The following XKR9 variants were observed in gnomAD, a reference collection of about 807,000 sequenced individuals.
XKR9 encodes the protein XK related 9.
Under a neutral mutation model 32.0 loss-of-function variants are expected in XKR9, and 32 were observed. That is an observed-to-expected ratio of 1.00 (90% CI 0.76 to 1.34). XKR9 has a LOEUF of 1.34. XKR9 is among the 40% of genes most tolerant of loss of function. The probability of loss-of-function intolerance (pLI) is 0.00; values close to 1 mark genes in which losing one functional copy is unlikely to be tolerated. For missense variants in XKR9, 546 were observed against 429.7 expected (o/e 1.27, Z -2.39); for synonymous variants, 168 against 143.4 (o/e 1.17, Z -1.22).
the XKR9 span, among the ~76,000 whole-genome samples, chr8:70,931,330 G>A: frequency 1.3e-5 from 2 of 152,096 alleles, no homozygotes; most frequent in Non-Finnish European, 2.9e-5. Flanking sequence ...TGATTCTAAG[G>A]TGGCTGGATA....
intron 2 of XKR9, among the ~76,000 whole-genome samples, chr8:70,760,614 C>A (rs762880596): frequency 6.6e-5 from 10 of 152,306 alleles, no homozygotes; most frequent in Non-Finnish European, 1.2e-4. Flanking sequence ...CAGGCAGGTG[C>A]CACTATGCCT....
chr8:70,808,801 C>T, the XKR9 span, among the ~76,000 whole-genome samples: 1 of 152,258 alleles, frequency 6.6e-6, no homozygotes, highest in Non-Finnish European at 1.5e-5. Context: ...GGCCAGGAAG[C>T]TTGAACTGGG....
chr8:70,875,049 A>G, the XKR9 span, among the ~76,000 whole-genome samples: 3 of 152,212 alleles, frequency 2.0e-5, no homozygotes, highest in African/African-American at 4.8e-5. Flanking sequence ...TTCTGTTACT[A>G]GAAAGCGAGG....
the XKR9 span, among the ~76,000 whole-genome samples, chr8:70,922,846 C>T: frequency 3.9e-4 from 59 of 152,340 alleles, no homozygotes; most frequent in Admixed American, 1.6e-3. Context: ...CTCATGATGT[C>T]AGGCTTTTCA....
chr8:70,890,032 C>A, the XKR9 span, among the ~76,000 whole-genome samples: 16 of 152,140 alleles, frequency 1.1e-4, no homozygotes, highest in South Asian at 3.3e-3. Context: ...ATTTACATTC[C>A]CACAACCAGT....
chr8:70,835,586 G>A, the XKR9 span, among the ~76,000 whole-genome samples: 1 of 151,884 alleles, frequency 6.6e-6, no homozygotes, highest in South Asian at 2.1e-4. Context: ...TCCTTTTTTT[G>A]GAGTAAGGAT....
At chr8:70,894,570 G>A in the XKR9 span, among the ~76,000 whole-genome samples, 10 of 152,120 alleles carry the variant, frequency 6.6e-5, no homozygotes, top group Non-Finnish European at 1.5e-5. Flanking sequence ...GGCCTTGTGG[G>A]GCAGGAACTA....
the XKR9 span, among the ~76,000 whole-genome samples, chr8:70,842,624 A>G: frequency 6.6e-6 from 1 of 152,090 alleles, no homozygotes; most frequent in African/African-American, 2.4e-5. Context: ...GATCCAACAC[A>G]TAAGGTTGTT....
rs375996539 is a variant in XKR9, at chr8:70,734,440, T to A, written c.*16T>A. ...AATGGAATAAGCTATTCATTTATGA[T>A]ATATATTTTCTTATATTTTGTTTCA... On this transcript the variant is annotated 3_prime_UTR_variant, in exon 5 of 5. Transcript: ENST00000408926. 2.8e-5 allele frequency: 42 copies of A among 1,497,530 alleles called. 1 individual carries two copies. The African/African-American group carries it at 4.4e-4, about 16-fold the overall frequency. The allele number at this position is 1,497,530 out of a possible 1,614,324, so 92.8% of individuals were successfully genotyped here.
the XKR9 span, among the ~76,000 whole-genome samples, chr8:70,872,087 G>T: frequency 6.6e-6 from 1 of 152,174 alleles, no homozygotes; most frequent in Admixed American, 6.5e-5. Flanking sequence ...GCCAAATTGT[G>T]AATGCAAAGA....
At chr8:70,753,942 A>G (rs1464585786) in intron 2 of XKR9, among the ~76,000 whole-genome samples, 1 of 133,244 alleles carries the variant, frequency 7.5e-6, no homozygotes, top group African/African-American at 2.5e-5. Context: ...AAGGAAATAA[A>G]GGGTATTCAA....
chr8:70,786,866 C>T (rs747433621), intron 2 of XKR9, among the ~76,000 whole-genome samples: 3 of 152,036 alleles, frequency 2.0e-5, no homozygotes, highest in Non-Finnish European at 4.4e-5. Flanking sequence ...TTACTGTCTT[C>T]CTTCGTGGTT....
At chr8:70,990,681 A>T in the XKR9 span, among the ~76,000 whole-genome samples, 14 of 152,164 alleles carry the variant, frequency 9.2e-5, no homozygotes, top group East Asian at 2.7e-3. Context: ...AAGTGATAAT[A>T]GCCAAGAGAA....
At chr8:70,730,557 G>A (rs1392107886) in intron 4 of XKR9, among the ~76,000 whole-genome samples, 1 of 150,344 alleles carries the variant, frequency 6.7e-6, no homozygotes, top group African/African-American at 2.4e-5. Context: ...TGCATAAAGT[G>A]TTTTAAAGAG....
chr8:70,863,125 G>T, the XKR9 span, among the ~76,000 whole-genome samples: 1 of 152,126 alleles, frequency 6.6e-6, no homozygotes, highest in Non-Finnish European at 1.5e-5. Flanking sequence ...AGCCTTGAGG[G>T]CTATGTTAAG....
At chr8:70,833,979 C>A in the XKR9 span, among the ~76,000 whole-genome samples, 1 of 152,024 alleles carries the variant, frequency 6.6e-6, no homozygotes, top group Admixed American at 6.6e-5. Flanking sequence ...TACAAAAATA[C>A]GTAAAGAGTA....
At chr8:70,988,713 A>C in the XKR9 span, among the ~76,000 whole-genome samples, 1 of 152,244 alleles carries the variant, frequency 6.6e-6, no homozygotes, top group Non-Finnish European at 1.5e-5. Context: ...TAACTGTTTT[A>C]AGTGTGCAGT....
the XKR9 span, among the ~76,000 whole-genome samples, chr8:70,986,116 T>C: frequency 1.3e-5 from 2 of 152,202 alleles, no homozygotes; most frequent in African/African-American, 4.8e-5. Flanking sequence ...GAACATGTGT[T>C]AAGTAATTAA....
the XKR9 span, among the ~76,000 whole-genome samples, chr8:70,884,490 G>A: frequency 6.6e-6 from 1 of 152,018 alleles, no homozygotes; most frequent in African/African-American, 2.4e-5. Flanking sequence ...TTTTCTTCTA[G>A]CAATTTTATA....
Sources: allele counts gnomAD v4.1 joint callset (sites outside exome capture counted in the v4.1 genomes callset), GRCh38; gene constraint gnomAD v4.1.1; transcripts MANE v1.5; gene names NCBI Gene and HGNC (gene_info 2026-07-23, HGNC 2026-07-21).